The following LRRIQ3 variants were observed in gnomAD, a reference collection of about 807,000 sequenced individuals.
LRRIQ3 encodes leucine-rich repeat and IQ domain-containing protein 3.
Under a neutral mutation model 59.3 loss-of-function variants are expected in LRRIQ3, and 75 were observed. The ratio of observed to expected loss-of-function variants is 1.26; its 90% CI spans 1.05 to 1.53. The LOEUF is 1.53. Among genes scored for constraint, LRRIQ3 ranks in the 40% most tolerant of loss-of-function variants. The probability of loss-of-function intolerance (pLI) is 0.00; values close to 1 mark genes in which losing one functional copy is unlikely to be tolerated. For synonymous variants in LRRIQ3, 250 were observed against 231.3 expected (o/e 1.08, Z -0.73); for missense variants, 831 against 710.0 (o/e 1.17, Z -1.94).
intron 1 of LRRIQ3, among the ~76,000 whole-genome samples, chr1:74,195,154 C>G (rs766878405): frequency 2.0e-5 from 3 of 152,098 alleles, no homozygotes; most frequent in Admixed American, 1.3e-4. Flanking sequence ...AAATTGAGAA[C>G]AGGCTAGCTG....
Position 74,120,124 on chromosome 1 carries a change from G to GT in LRRIQ3, c.708-10572dup, listed in dbSNP as rs377163655. Among the ~76,000 whole-genome samples, 494 of 142,538 alleles carry GT rather than the reference G, an allele frequency of 3.5e-3. 1 individual carries two copies. Among genetic ancestry groups the GT allele is most frequent in the East Asian group, 0.017 (83 of 4,906 alleles). The allele number at this position is 142,538 out of a possible 152,430, so 93.5% of individuals were successfully genotyped here. On this transcript the variant is annotated intron_variant, in intron 4 of 7. Coordinates refer to ENST00000354431, the MANE Select transcript of LRRIQ3 (RefSeq NM_001105659.2). ...ATAGGATATTTATTTTTTGTATGTTGTTTTTTTTTTTTGACATGGAGTCCT... is the reference window on the plus strand; with the variant it reads ...ATAGGATATTTATTTTTTGTATGTTGTTTTTTTTTTTTTGACATGGAGTCCT...
At chr1:74,183,379 TTATTA>T in intron 2 of LRRIQ3, 52 bp downstream of exon 2, 1 of 1,440,078 alleles carries the variant, frequency 6.9e-7, no homozygotes, top group East Asian at 2.4e-5. Context: ...ACATAAGTAC[TTATTA>T]TAAGACTGAA....
At chr1:74,047,717 G>T (rs895880479) in intron 6 of LRRIQ3, among the ~76,000 whole-genome samples, 2 of 151,988 alleles carry the variant, frequency 1.3e-5, no homozygotes, top group African/African-American at 2.4e-5. Flanking sequence ...AAATTTGTTG[G>T]TGTCTTGTTC....
chr1:74,077,592 C>A (rs1044962879), intron 5 of LRRIQ3, among the ~76,000 whole-genome samples: 2 of 151,952 alleles, frequency 1.3e-5, no homozygotes, highest in African/African-American at 4.8e-5. Flanking sequence ...ATATTTTCTT[C>A]GTTTCTCCTA....
intron 6 of LRRIQ3, among the ~76,000 whole-genome samples, chr1:74,072,879 T>C (rs1405328386): frequency 2.0e-5 from 3 of 152,150 alleles, no homozygotes; most frequent in Non-Finnish European, 4.4e-5. Flanking sequence ...ATAATGTTCT[T>C]TTATAATTCA....
At chr1:74,148,515 C>G (rs1015074970) in intron 4 of LRRIQ3, among the ~76,000 whole-genome samples, 14 of 151,970 alleles carry the variant, frequency 9.2e-5, no homozygotes, top group Admixed American at 9.2e-4. Context: ...TGTGGTTAGG[C>G]CAGTCCTTGG....
intron 5 of LRRIQ3, among the ~76,000 whole-genome samples, chr1:74,099,832 A>G (rs572540426): frequency 3.3e-5 from 5 of 152,322 alleles, no homozygotes; most frequent in African/African-American, 1.2e-4. Context: ...TAGATGCAGA[A>G]AAGGCCTTTG....
intron 5 of LRRIQ3, among the ~76,000 whole-genome samples, chr1:74,097,523 G>A (rs1646465616): frequency 6.6e-6 from 1 of 152,124 alleles, no homozygotes; most frequent in Non-Finnish European, 1.5e-5. Flanking sequence ...TAGAAAGGCA[G>A]GCCAACATTC....
At chr1:74,055,775 GC>G (rs1279058522) in intron 6 of LRRIQ3, among the ~76,000 whole-genome samples, 2 of 152,104 alleles carry the variant, frequency 1.3e-5, no homozygotes, top group Non-Finnish European at 2.9e-5. Context: ...TTTGAAGACT[GC>G]CAATCTGTTT....
rs12136359 is a variant in LRRIQ3, at chr1:74,120,697, T to A, written c.708-11144A>T. On this transcript the variant is annotated intron_variant, in intron 4 of 7. Coordinates refer to ENST00000354431, the MANE Select transcript of LRRIQ3 (RefSeq NM_001105659.2). Reference sequence around the variant, plus strand: ...CTTAACTTGAAACTCCAAAACAATGTTAAAAACTTTAAATTTTAAAATAAA... The same window carrying A: ...CTTAACTTGAAACTCCAAAACAATGATAAAAACTTTAAATTTTAAAATAAA... Among the ~76,000 whole-genome samples the A allele has an allele frequency of 8.3e-3, 1,264 of 152,038 alleles. 11 individuals carry two copies. Among genetic ancestry groups the A allele is most frequent in the Non-Finnish European group, 0.014 (919 of 67,952 alleles).
chr1:74,170,646 G>GT (rs1649267291), intron 3 of LRRIQ3, among the ~76,000 whole-genome samples: 1 of 151,992 alleles, frequency 6.6e-6, no homozygotes, highest in Non-Finnish European at 1.5e-5. Context: ...GCTTAAGATT[G>GT]TTTTGGCTAT....
intron 4 of LRRIQ3, among the ~76,000 whole-genome samples, chr1:74,120,029 C>A (rs1322417160): frequency 6.6e-6 from 1 of 151,890 alleles, no homozygotes; most frequent in Non-Finnish European, 1.5e-5. Context: ...TGAATTCTCA[C>A]ACAGAAATAT....
At chr1:74,151,011 C>CTTTTTTTTT (rs59890149) in intron 4 of LRRIQ3, among the ~76,000 whole-genome samples, 5 of 63,392 alleles carry the variant, frequency 7.9e-5, no homozygotes, top group African/African-American at 2.7e-4. Flanking sequence ...ATGATGCTTT[C>CTTTTTTTTT]TTTTTTTTTT....
At chr1:74,144,156 C>G (rs550080784) in intron 4 of LRRIQ3, among the ~76,000 whole-genome samples, 196 of 151,894 alleles carry the variant, frequency 1.3e-3, no homozygotes, top group Non-Finnish European at 2.3e-3. Context: ...AACAAAGTGC[C>G]CTTAAATTTG....
intron 5 of LRRIQ3, among the ~76,000 whole-genome samples, chr1:74,090,872 C>T (rs959330793): frequency 1.3e-5 from 2 of 151,790 alleles, no homozygotes; most frequent in Non-Finnish European, 2.9e-5. Context: ...CCAGCCTGGG[C>T]AACAAACAGA....
At chr1:74,037,891 C>A (rs74737352) in intron 7 of LRRIQ3, among the ~76,000 whole-genome samples, 1 of 152,090 alleles carries the variant, frequency 6.6e-6, no homozygotes, top group African/African-American at 2.4e-5. Context: ...CCCATGCCAC[C>A]GGGAAGCCAT....
At chr1:74,162,229 A>G (rs897934572) in intron 3 of LRRIQ3, among the ~76,000 whole-genome samples, 1 of 151,906 alleles carries the variant, frequency 6.6e-6, no homozygotes, top group African/African-American at 2.4e-5. Context: ...TATATTTGAT[A>G]CTTACAAAAT....
chr1:74,186,109 A>G (rs1345600990), intron 1 of LRRIQ3, among the ~76,000 whole-genome samples: 2 of 149,956 alleles, frequency 1.3e-5, no homozygotes, highest in East Asian at 1.9e-4. Flanking sequence ...TTTTTATTTC[A>G]AAGGATTTAT....
intron 4 of LRRIQ3, among the ~76,000 whole-genome samples, chr1:74,154,169 AG>A (rs1340334624): frequency 7.2e-6 from 1 of 138,440 alleles, no homozygotes; most frequent in African/African-American, 2.7e-5. Flanking sequence ...TGAACCCGGA[AG>A]TCAGAGGTTG....
Sources: allele counts gnomAD v4.1 joint callset (sites outside exome capture counted in the v4.1 genomes callset), GRCh38; gene constraint gnomAD v4.1.1; transcripts MANE v1.5; gene names NCBI Gene and HGNC (gene_info 2026-07-23, HGNC 2026-07-21).